Variants in ARNT observed in about 807,000 individuals in gnomAD.
ARNT encodes the protein aryl hydrocarbon receptor nuclear translocator.
A neutral mutation model predicts 105.0 loss-of-function variants in ARNT; 30 were observed. The observed-to-expected ratio is 0.29, with a 90% CI of 0.21 to 0.39. The LOEUF (loss-of-function observed/expected upper bound fraction) is 0.39, where lower values mean the gene tolerates loss of function less well. ARNT is among the 10% of genes least tolerant of loss of function. The pLI is 1.00. For synonymous variants in ARNT, 304 were observed against 344.0 expected (o/e 0.88, Z 1.29); for missense variants, 748 against 978.7 (o/e 0.76, Z 3.15).
At chr1:150,816,495 A>G in intron 18 of ARNT, 89 bp from the exon 19 acceptor site, 1 of 1,452,422 alleles carries the variant, frequency 6.9e-7, no homozygotes, top group Non-Finnish European at 9.2e-7. Flanking sequence ...CTATCCCTAG[A>G]TCCCCTTGAC....
At position 150,811,885 on chromosome 1, in the gene ARNT, G is replaced by A; in HGVS notation, c.*136C>T. 1 of 509,978 alleles carries A rather than the reference G, an allele frequency of 2.0e-6. No homozygotes were observed. Among genetic ancestry groups the A allele is most frequent in the South Asian group, 5.8e-5 (1 of 17,250 alleles). The allele number at this position is 509,978 out of a possible 1,614,324, so 31.6% of individuals were successfully genotyped here. Reference sequence around the variant, plus strand: ...AGGCAACAGAGCAGGGGAACAGCCAGAAGGGAAAGGGGGTACATGTCAGGG... The same window carrying A: ...AGGCAACAGAGCAGGGGAACAGCCAAAAGGGAAAGGGGGTACATGTCAGGG... On this transcript the variant is annotated 3_prime_UTR_variant, in exon 22 of 22. Coordinates refer to ENST00000358595, the MANE Select transcript of ARNT (RefSeq NM_001668.4).
chr1:150,816,807 G>T lies in ARNT; in HGVS notation c.1783C>A (p.Arg595=). Residue 595 remains arginine, a synonymous_variant, in exon 18 of 22, where the codon CGG becomes AGG. Coordinates refer to ENST00000358595, the MANE Select transcript of ARNT (RefSeq NM_001668.4). The part of the protein sequence containing the change: ...SQGNTFPPTP[R]PAENFRNSGL... The stretch of plus-strand genomic sequence containing the variant: ...GCTCACCTGAAATTCTCTGCCGGCC[G>T]GGGGGTAGGAGGGAATGTGTTGCCC... The T allele has an allele frequency of 6.3e-7, 1 of 1,580,814 alleles. No homozygotes were observed. Among genetic ancestry groups the T allele is most frequent in the Non-Finnish European group, 8.5e-7 (1 of 1,171,228 alleles).
At chr1:150,840,662 G>A (rs1367625101) in intron 5 of ARNT, among the ~76,000 whole-genome samples, 6 of 152,142 alleles carry the variant, frequency 3.9e-5, no homozygotes, top group Admixed American at 6.5e-5. Flanking sequence ...AGTCTGGGAC[G>A]AAGTTAACTG....
chr1:150,822,871 T>C (rs1657397772), intron 14 of ARNT, among the ~76,000 whole-genome samples: 1 of 152,164 alleles, frequency 6.6e-6, no homozygotes, highest in Non-Finnish European at 1.5e-5. Context: ...CTGAATTGAA[T>C]GGAAGGACAC....
chr1:150,850,382 C>T (rs963625028), intron 3 of ARNT, among the ~76,000 whole-genome samples: 1 of 152,224 alleles, frequency 6.6e-6, no homozygotes, highest in East Asian at 1.9e-4. Context: ...AACCTCCCTG[C>T]CTGATTCTCC....
chr1:150,875,990 C>CG (rs1173682626), intron 1 of ARNT, among the ~76,000 whole-genome samples: 2 of 152,044 alleles, frequency 1.3e-5, no homozygotes, highest in Non-Finnish European at 2.9e-5. Flanking sequence ...GAGACGGGGA[C>CG]GGGGGTTGCG....
intron 3 of ARNT, among the ~76,000 whole-genome samples, chr1:150,846,764 T>C (rs1284639202): frequency 6.6e-6 from 1 of 152,158 alleles, no homozygotes; most frequent in African/African-American, 2.4e-5. Context: ...TCAAACACCA[T>C]TTTCTCATTT....
intron 18 of ARNT, 105 bp downstream of exon 18, chr1:150,816,683 T>C: frequency 7.4e-7 from 1 of 1,349,100 alleles, no homozygotes; most frequent in South Asian, 1.5e-5. Context: ...CAAGCTTCAC[T>C]GCTTTTTCTG....
chr1:150,839,988 C>G (rs587641190), intron 5 of ARNT, among the ~76,000 whole-genome samples: 10 of 152,270 alleles, frequency 6.6e-5, no homozygotes, highest in South Asian at 4.1e-4. Flanking sequence ...TGCCTGTAAT[C>G]CCAGCACTTT....
At chr1:150,828,801 G>T (rs1034157159) in intron 12 of ARNT, among the ~76,000 whole-genome samples, 4 of 151,958 alleles carry the variant, frequency 2.6e-5, no homozygotes, top group African/African-American at 9.7e-5. Flanking sequence ...TAGCTATACT[G>T]GTATAACTAA....
chr1:150,822,591 C>T (rs1358511552), intron 14 of ARNT, among the ~76,000 whole-genome samples: 2 of 152,200 alleles, frequency 1.3e-5, no homozygotes, highest in East Asian at 1.9e-4. Context: ...CTCCTTCCTC[C>T]TTACCTTGCC....
At position 150,858,356 on chromosome 1, in the gene ARNT, G is replaced by A. The variant is rs754299833; in HGVS notation, c.130C>T (p.Arg44Ter). 2 of 1,604,746 alleles carry A rather than the reference G, an allele frequency of 1.2e-6. No homozygotes were observed. The highest frequency in any genetic ancestry group is 1.7e-6 in the Non-Finnish European group (2 of 1,174,918). ...GAIVQRAIKRRPGLDFDDDGE... is the reference protein window; with the variant it reads ...GAIVQRAIKR ...CACTACACTCAAACTCACCCTGGTC[G>A]CCGCTTAATAGCCCTCTGGACAATG... is the stretch of plus-strand genomic sequence containing the variant. Residue 44 changes from arginine to a stop codon, truncating the protein, a stop_gained, in exon 2 of 22, where the codon CGA (arginine) becomes TGA (stop). Coordinates refer to ENST00000358595, the MANE Select transcript of ARNT (RefSeq NM_001668.4). LOFTEE classifies it high-confidence loss of function.
chr1:150,855,454 C>T (rs1371127826), intron 2 of ARNT, among the ~76,000 whole-genome samples: 4 of 151,372 alleles, frequency 2.6e-5, no homozygotes, highest in South Asian at 2.1e-4. Context: ...CCCAGCTACT[C>T]GGGAGGCTGA....
In ARNT at chr1:150,850,492, C is replaced by T. The variant is rs1033830272; in HGVS notation, c.182+2270G>A. On this transcript the variant is annotated intron_variant, in intron 3 of 21. Transcript: ENST00000358595. ...GGAGACGGGGTTTCGCTGGGTTGGC[C>T]GGGCTGGTCTCCAGCTCCTAACCGT... is the stretch of plus-strand genomic sequence containing the variant. 2.0e-5 allele frequency among the ~76,000 whole-genome samples: 3 copies of T among 152,152 alleles called. No individual in the cohort carries two copies. The South Asian group carries it at 6.2e-4, about 32-fold the overall frequency.
rs980381260 is a variant in ARNT at position 150,810,887 on chromosome 1, T to C, written c.*1134A>G. On this transcript the variant is annotated 3_prime_UTR_variant, in exon 22 of 22. Transcript: ENST00000358595. ...AGAGACTTAAATCTCAGTTGCTTGCTAAACTGGGTATTTTGAGTATGGGAT... is the reference window on the plus strand; with the variant it reads ...AGAGACTTAAATCTCAGTTGCTTGCCAAACTGGGTATTTTGAGTATGGGAT... 8.9e-6 allele frequency: 2 copies of C among 225,018 alleles called. No homozygotes were observed. The highest frequency in any genetic ancestry group is 1.1e-4 in the Admixed American group (2 of 17,510). The allele number at this position is 225,018 out of a possible 1,614,324, so 13.9% of individuals were successfully genotyped here.
At position 150,823,904 on chromosome 1, in the gene ARNT, G is replaced by A. The variant is rs587766150; in HGVS notation, c.1243-559C>T. Reference sequence around the variant, plus strand: ...TGTCACCAGGCTAGAGTGCAGTGGCGCAATCTCGGCTCACTACAACCTCCG... The same window carrying A: ...TGTCACCAGGCTAGAGTGCAGTGGCACAATCTCGGCTCACTACAACCTCCG... On this transcript the variant is annotated intron_variant, in intron 13 of 21. Transcript: ENST00000358595. 1.6e-4 allele frequency among the ~76,000 whole-genome samples: 23 copies of A among 146,690 alleles called. No individual in the cohort carries two copies. In the South Asian group the frequency reaches 3.9e-3, roughly 25 times the overall value.
intron 6 of ARNT, among the ~76,000 whole-genome samples, chr1:150,838,000 C>G (rs759359395): frequency 1.1e-4 from 16 of 152,134 alleles, no homozygotes; most frequent in Non-Finnish European, 2.1e-4. Flanking sequence ...TGTCACTGTC[C>G]TAGTCATCTT....
intron 21 of ARNT, chr1:150,812,698 C>A (rs1654982565): frequency 6.5e-6 from 1 of 153,154 alleles, no homozygotes; most frequent in Non-Finnish European, 1.5e-5. Flanking sequence ...GAAGCGAGCA[C>A]TACTTTTTAT....
intron 3 of ARNT, 124 bp from the exon 4 acceptor site, chr1:150,846,431 A>T: frequency 1.1e-6 from 1 of 878,876 alleles, no homozygotes; most frequent in Non-Finnish European, 1.8e-6. Flanking sequence ...AAGCATCACA[A>T]AGTGATAGAA....
Sources: allele counts gnomAD v4.1 joint callset (sites outside exome capture counted in the v4.1 genomes callset), GRCh38; gene constraint gnomAD v4.1.1; transcripts MANE v1.5; gene names NCBI Gene and HGNC (gene_info 2026-07-23, HGNC 2026-07-21).